The following CCDC171 variants were observed in gnomAD, a reference collection of about 807,000 sequenced individuals.
CCDC171 encodes the protein coiled-coil domain-containing protein 171.
In CCDC171, 177 loss-of-function variants were observed where a neutral mutation model predicts 168.2. The ratio of observed to expected loss-of-function variants is 1.05; its 90% CI spans 0.93 to 1.19. The LOEUF (loss-of-function observed/expected upper bound fraction) is 1.19, where lower values mean the gene tolerates loss of function less well. Among genes scored for constraint, CCDC171 ranks in the 50% most tolerant of loss-of-function variants. CCDC171 has a pLI of 0.00. For synonymous variants in CCDC171, 687 were observed against 540.8 expected, an observed-to-expected ratio of 1.27 and a Z score of -3.75; for missense variants, 1,991 against 1,539.0, an observed-to-expected ratio of 1.29 and a Z score of -4.91.
At chr9:15,727,095 T>C (rs2053854603) in intron 14 of CCDC171, among the ~76,000 whole-genome samples, 1 of 152,200 alleles carries the variant, frequency 6.6e-6, no homozygotes, top group Non-Finnish European at 1.5e-5. Flanking sequence ...TAAAGGACTT[T>C]TAAAAACATA....
intron 11 of CCDC171, among the ~76,000 whole-genome samples, chr9:15,702,861 C>T (rs2051868160): frequency 6.6e-6 from 1 of 151,938 alleles, no homozygotes; most frequent in African/African-American, 2.4e-5. Context: ...GCTTCCTCAC[C>T]TCTCTCAGCC....
At chr9:15,564,156 T>A (rs368622329) in intron 2 of CCDC171, 27 bp downstream of exon 2, 8 of 1,570,508 alleles carry the variant, frequency 5.1e-6, no homozygotes, top group African/African-American at 1.4e-5. Flanking sequence ...TTCTTTTAGT[T>A]GATGAACGTT....
At chr9:15,761,854 A>G (rs1195131480) in intron 18 of CCDC171, among the ~76,000 whole-genome samples, 1 of 149,600 alleles carries the variant, frequency 6.7e-6, no homozygotes, top group Non-Finnish European at 1.5e-5. Context: ...CAAACATTTT[A>G]TGAAAAAGTA....
chr9:15,567,114 C>T (rs139084666), intron 2 of CCDC171, among the ~76,000 whole-genome samples: 20 of 151,676 alleles, frequency 1.3e-4, no homozygotes, highest in East Asian at 5.8e-4. Flanking sequence ...CTCTGTCCCC[C>T]GGGTTCAGGT....
intron 25 of CCDC171, among the ~76,000 whole-genome samples, chr9:15,967,117 A>G (rs1830876586): frequency 6.6e-6 from 1 of 152,188 alleles, no homozygotes; most frequent in Non-Finnish European, 1.5e-5. Flanking sequence ...GAAAATTGAC[A>G]GGTAGAATTT....
At chr9:16,044,027 C>T (rs1318986471) in intron 1 of CCDC171, among the ~76,000 whole-genome samples, 1 of 152,212 alleles carries the variant, frequency 6.6e-6, no homozygotes, top group African/African-American at 2.4e-5. Flanking sequence ...GCAGAAACAG[C>T]ATTTGATTGG....
chr9:15,950,615 T>C (rs976606077), intron 25 of CCDC171, among the ~76,000 whole-genome samples: 5 of 151,684 alleles, frequency 3.3e-5, no homozygotes, highest in African/African-American at 4.8e-5. Context: ...AAAGAGCTCC[T>C]GAAGGAAGCG....
intron 14 of CCDC171, among the ~76,000 whole-genome samples, chr9:15,727,035 TAAGTC>T (rs2053851982): frequency 6.6e-6 from 1 of 152,224 alleles, no homozygotes; most frequent in Admixed American, 6.6e-5. Context: ...TAAGTGTTTC[TAAGTC>T]ATTCAGCAAT....
chr9:16,001,683 T>C (rs1429641035), intron 3 of CCDC171, among the ~76,000 whole-genome samples: 1 of 152,098 alleles, frequency 6.6e-6, no homozygotes, highest in East Asian at 1.9e-4. Flanking sequence ...GTAGCTGTAA[T>C]AACACAGTAG....
intron 3 of CCDC171, among the ~76,000 whole-genome samples, chr9:16,017,638 G>GT (rs1350110904): frequency 1.3e-5 from 2 of 152,084 alleles, no homozygotes; most frequent in Non-Finnish European, 2.9e-5. Context: ...GAGAATACTT[G>GT]TTTTACTGCA....
At chr9:15,581,084 C>G (rs2041074937) in intron 4 of CCDC171, among the ~76,000 whole-genome samples, 1 of 152,150 alleles carries the variant, frequency 6.6e-6, no homozygotes. Context: ...TCAGCAAAGC[C>G]TCAGGATACA....
At chr9:15,573,243 T>G (rs2040375889) in intron 3 of CCDC171, among the ~76,000 whole-genome samples, 4 of 152,194 alleles carry the variant, frequency 2.6e-5, no homozygotes, top group Admixed American at 2.6e-4. Flanking sequence ...TCTCTTTGTA[T>G]TTTTTTAGTA....
chr9:15,628,226 A>G (rs2045336409), intron 7 of CCDC171, among the ~76,000 whole-genome samples: 1 of 152,048 alleles, frequency 6.6e-6, no homozygotes. Flanking sequence ...AGGGCGAGGC[A>G]TTGCCTTACT....
chr9:15,614,373 A>C (rs529121015), intron 6 of CCDC171, among the ~76,000 whole-genome samples: 1 of 152,170 alleles, frequency 6.6e-6, no homozygotes, highest in Admixed American at 6.5e-5. Context: ...TTTTGAAGCA[A>C]TCAGGAGCTG....
At chr9:15,964,315 T>C (rs1354514660) in intron 25 of CCDC171, among the ~76,000 whole-genome samples, 1 of 152,234 alleles carries the variant, frequency 6.6e-6, no homozygotes, top group African/African-American at 2.4e-5. Flanking sequence ...GCACATATTT[T>C]TACCAGTTTG....
chr9:15,739,578 G>A (rs2054716753), intron 16 of CCDC171, among the ~76,000 whole-genome samples: 1 of 152,082 alleles, frequency 6.6e-6, no homozygotes, highest in South Asian at 2.1e-4. Flanking sequence ...AAAAATATAT[G>A]TAAAGCATTT....
chr9:15,686,525 A>C (rs2050405930), intron 10 of CCDC171, among the ~76,000 whole-genome samples: 1 of 152,142 alleles, frequency 6.6e-6, no homozygotes, highest in African/African-American at 2.4e-5. Flanking sequence ...AAAAAATAAA[A>C]AAATAAAAAA....
At chr9:15,988,888 C>T (rs553147351) in intron 3 of CCDC171, among the ~76,000 whole-genome samples, 78 of 152,278 alleles carry the variant, frequency 5.1e-4, no homozygotes, top group Non-Finnish European at 9.4e-4. Context: ...GGGAGGGGTG[C>T]CTGCCATTGC....
At chr9:15,632,008 A>G (rs533533338) in intron 7 of CCDC171, among the ~76,000 whole-genome samples, 1 of 152,216 alleles carries the variant, frequency 6.6e-6, no homozygotes, top group African/African-American at 2.4e-5. Flanking sequence ...TTAGGTATTG[A>G]TGGGACGTGT....
Sources: allele counts gnomAD v4.1 joint callset (sites outside exome capture counted in the v4.1 genomes callset), GRCh38; gene constraint gnomAD v4.1.1; transcripts MANE v1.5; gene names NCBI Gene and HGNC (gene_info 2026-07-23, HGNC 2026-07-21).